The following CAMK1D variants were observed in gnomAD, a reference collection of about 807,000 sequenced individuals.
CAMK1D encodes calcium/calmodulin-dependent protein kinase type 1D.
A neutral mutation model predicts 47.7 loss-of-function variants in CAMK1D; 9 were observed. The observed-to-expected ratio is 0.19, with a 90% confidence interval of 0.11 to 0.33. CAMK1D has a LOEUF of 0.33. Ranked by LOEUF, CAMK1D falls within the 10% of genes least tolerant of loss-of-function variation. The pLI is 1.00. For synonymous variants in CAMK1D, 184 were observed against 184.9 expected, an observed-to-expected ratio of 0.99 and a Z score of 0.04; for missense variants, 291 against 488.7, an observed-to-expected ratio of 0.60 and a Z score of 3.81.
At chr10:12,535,048 C>A (rs1263070126) in intron 1 of CAMK1D, among the ~76,000 whole-genome samples, 1 of 152,186 alleles carries the variant, frequency 6.6e-6, no homozygotes, top group Non-Finnish European at 1.5e-5. Flanking sequence ...CACATTGCTG[C>A]CCTGGTGACG....
intron 3 of CAMK1D, among the ~76,000 whole-genome samples, chr10:12,699,869 T>C (rs1392835675): frequency 3.3e-5 from 5 of 152,174 alleles, no homozygotes; most frequent in Non-Finnish European, 5.9e-5. Flanking sequence ...TGTTCTTGCT[T>C]CAATTTTAGC....
intron 1 of CAMK1D, among the ~76,000 whole-genome samples, chr10:12,505,479 T>G (rs1834841585): frequency 6.6e-6 from 1 of 152,208 alleles, no homozygotes; most frequent in Non-Finnish European, 1.5e-5. Context: ...CCAGTGTCAG[T>G]GCTGCTTCTC....
intron 1 of CAMK1D, among the ~76,000 whole-genome samples, chr10:12,522,738 C>T (rs911304262): frequency 8.6e-5 from 13 of 151,402 alleles, no homozygotes; most frequent in African/African-American, 2.2e-4. Flanking sequence ...GGGTGGTGGC[C>T]GGGCAGAGGG....
At chr10:12,681,784 A>G (rs1315036016) in intron 3 of CAMK1D, among the ~76,000 whole-genome samples, 1 of 152,272 alleles carries the variant, frequency 6.6e-6, no homozygotes. Flanking sequence ...ATCTTTAATC[A>G]AAGTATTCAG....
chr10:12,530,402 CT>C (rs1369237108), intron 1 of CAMK1D, among the ~76,000 whole-genome samples: 1 of 152,196 alleles, frequency 6.6e-6, no homozygotes, highest in Non-Finnish European at 1.5e-5. Flanking sequence ...CCTCAGTTTC[CT>C]TTTCTGGGAA....
chr10:12,487,901 ACATGGGTT>A (rs1834264258), intron 1 of CAMK1D, among the ~76,000 whole-genome samples: 1 of 152,228 alleles, frequency 6.6e-6, no homozygotes, highest in Non-Finnish European at 1.5e-5. Context: ...TGTTAAATAG[ACATGGGTT>A]CATGGCTCCT....
At chr10:12,794,298 G>A (rs1317789612) in intron 6 of CAMK1D, among the ~76,000 whole-genome samples, 1 of 152,160 alleles carries the variant, frequency 6.6e-6, no homozygotes, top group Non-Finnish European at 1.5e-5. Context: ...AGGAATGGTA[G>A]AGGAGCCAAT....
At chr10:12,632,621 T>C (rs1335568218) in intron 2 of CAMK1D, among the ~76,000 whole-genome samples, 2 of 152,230 alleles carry the variant, frequency 1.3e-5, no homozygotes, top group African/African-American at 4.8e-5. Context: ...AGATGAAGAA[T>C]ATGAAACTCC....
intron 1 of CAMK1D, among the ~76,000 whole-genome samples, chr10:12,387,445 T>TTATATATATATATATATATATATA (rs373637712): frequency 3.0e-5 from 2 of 66,638 alleles, no homozygotes; most frequent in Admixed American, 2.4e-4. Flanking sequence ...TATATATATT[T>TTATATATATATATATATATATATA]TATATATATA....
intron 6 of CAMK1D, among the ~76,000 whole-genome samples, chr10:12,801,235 A>G (rs916428567): frequency 1.2e-4 from 14 of 116,400 alleles, no homozygotes; most frequent in Admixed American, 9.1e-4. Context: ...CCATCCATCC[A>G]TCCATCCATC....
At chr10:12,673,952 T>A (rs1047163665) in intron 3 of CAMK1D, among the ~76,000 whole-genome samples, 14 of 151,954 alleles carry the variant, frequency 9.2e-5, no homozygotes, top group African/African-American at 2.9e-4. Context: ...TTTTATTAAA[T>A]TTTTTTTTCA....
intron 3 of CAMK1D, among the ~76,000 whole-genome samples, chr10:12,758,990 T>C (rs938347896): frequency 8.5e-5 from 13 of 152,204 alleles, no homozygotes; most frequent in African/African-American, 3.1e-4. Context: ...TGCATCCCAC[T>C]GGGCATGCTC....
At chr10:12,691,421 A>ATTTTTTT (rs869207786) in intron 3 of CAMK1D, among the ~76,000 whole-genome samples, 1 of 4,304 alleles carries the variant, frequency 2.3e-4, no homozygotes. Context: ...ATATATATAT[A>ATTTTTTT]TTTTTTTTTT....
intron 1 of CAMK1D, among the ~76,000 whole-genome samples, chr10:12,392,969 C>T (rs1838793393): frequency 6.6e-6 from 1 of 151,870 alleles, no homozygotes; most frequent in Non-Finnish European, 1.5e-5. Flanking sequence ...TGATCTGGAC[C>T]AGGTTCTTAG....
In CAMK1D at chr10:12,812,806, C is replaced by T. The variant is rs577104181; in HGVS notation, c.642-1389C>T. ...ACCAAGGCCAGCCCCTGCCTCCACA[C>T]GGGCCCCAAGCATGTTCTAGGTCTT... On this transcript the variant is annotated intron_variant, in intron 6 of 10. Transcript: ENST00000619168. Among the ~76,000 whole-genome samples, 18 of 152,244 alleles carry T rather than the reference C, an allele frequency of 1.2e-4. No homozygotes were observed. In the East Asian group the frequency reaches 2.1e-3, roughly 18 times the overall value.
intron 2 of CAMK1D, among the ~76,000 whole-genome samples, chr10:12,595,547 A>G (rs1462455869): frequency 2.6e-5 from 4 of 151,984 alleles, no homozygotes; most frequent in Non-Finnish European, 4.4e-5. Flanking sequence ...ATCCAGGCCC[A>G]TCTTGAATGT....
At chr10:12,793,286 G>A (rs1193196163) in intron 6 of CAMK1D, among the ~76,000 whole-genome samples, 1 of 152,068 alleles carries the variant, frequency 6.6e-6, no homozygotes, top group African/African-American at 2.4e-5. Context: ...ATGTCTATCT[G>A]GACCTTGAAC....
At chr10:12,354,388 G>C (rs927998878) in intron 1 of CAMK1D, among the ~76,000 whole-genome samples, 1 of 151,728 alleles carries the variant, frequency 6.6e-6, no homozygotes, top group Non-Finnish European at 1.5e-5. Flanking sequence ...AAGGCAGGTT[G>C]GGGGTGGGGA....
chr10:12,615,954 G>T (rs117384480), intron 2 of CAMK1D, among the ~76,000 whole-genome samples: 1 of 151,096 alleles, frequency 6.6e-6, no homozygotes, highest in African/African-American at 2.4e-5. Context: ...GTTGGTGTGC[G>T]CATAGGTGTG....
Sources: gnomAD v4.1 joint callset for allele counts (sites outside exome capture counted in the v4.1 genomes callset) on GRCh38, gnomAD v4.1.1 for gene constraint, MANE v1.5 for transcripts, NCBI Gene and HGNC (gene_info 2026-07-23, HGNC 2026-07-21) for gene names.